SUPT3H: variants seen among roughly 807,000 people sequenced by gnomAD.
The protein encoded by SUPT3H is SPT3 homolog, SAGA and STAGA complex component, also known as transcription initiation protein SPT3 homolog.
SUPT3H carries 44 observed loss-of-function variants against 44.3 expected under a neutral mutation model. The ratio of observed to expected loss-of-function variants is 0.99; its 90% confidence interval spans 0.78 to 1.28. The LOEUF (loss-of-function observed/expected upper bound fraction) is 1.28. Among genes scored for constraint, SUPT3H ranks in the 50% most tolerant of loss-of-function variants. SUPT3H has a pLI of 0.00. For missense variants in SUPT3H, 380 were observed against 387.1 expected (o/e 0.98, Z 0.15); for synonymous variants, 124 against 125.6 (o/e 0.99, Z 0.09).
intron 2 of SUPT3H, among the ~76,000 whole-genome samples, chr6:45,207,934 T>C (rs1763450105): frequency 6.6e-6 from 1 of 152,200 alleles, no homozygotes; most frequent in Admixed American, 6.5e-5. Context: ...GTTAAAGTTT[T>C]ACTTCTTCTA....
intron 6 of SUPT3H, among the ~76,000 whole-genome samples, chr6:44,981,040 TA>T (rs1295123689): frequency 1.3e-5 from 2 of 152,222 alleles, no homozygotes; most frequent in African/African-American, 4.8e-5. Context: ...AATGCCTACT[TA>T]AATGCTTTGC....
chr6:44,900,710 C>T (rs185077144), intron 10 of SUPT3H, among the ~76,000 whole-genome samples: 25 of 152,230 alleles, frequency 1.6e-4, no homozygotes, highest in Non-Finnish European at 3.2e-4. Flanking sequence ...ATCTGAGAAC[C>T]GACAGACTGC....
At chr6:44,890,559 T>G (rs1219567490) in intron 10 of SUPT3H, among the ~76,000 whole-genome samples, 3 of 127,308 alleles carry the variant, frequency 2.4e-5, no homozygotes, top group Non-Finnish European at 3.1e-5. Context: ...AATTGAACAA[T>G]GAGAACACAT....
In SUPT3H at chr6:45,072,901, A is replaced by G. The variant is rs1284757950; in HGVS notation, c.186+33021T>C. Among the ~76,000 whole-genome samples the G allele has an allele frequency of 2.0e-5, 3 of 152,066 alleles. No individual in the cohort carries two copies. The South Asian group carries it at 6.2e-4, about 31-fold the overall frequency. The stretch of plus-strand genomic sequence containing the variant: ...CTCAGGAAATAACAGCTGTGTCACC[A>G]CAAATCCAAACATCAGAAAGTTAAA... On this transcript the variant is annotated intron_variant, in intron 3 of 10. Coordinates refer to ENST00000371459, the MANE Select transcript of SUPT3H (RefSeq NM_003599.4).
In SUPT3H at chr6:45,230,660, G is replaced by GCATATATATATATATATATATA. The variant is rs765270979; in HGVS notation, c.102-124655_102-124654insTATATATATATATATATATATG. 3.9e-3 allele frequency among the ~76,000 whole-genome samples: 197 copies of GCATATATATATATATATATATA among 51,056 alleles called. 27 individuals carry two copies. Among genetic ancestry groups the GCATATATATATATATATATATA allele is most frequent in the Non-Finnish European group, 6.4e-3 (154 of 24,036 alleles). The allele number at this position is 51,056 out of a possible 152,430, so 33.5% of individuals were successfully genotyped here. ...TGAAATCATGTTTTAAATTCATTCAGTCTATATATATATATATATATATAT... is the reference window on the plus strand; with the variant it reads ...TGAAATCATGTTTTAAATTCATTCAGCATATATATATATATATATATATCTATATATATATATATATATATAT... On this transcript the variant is annotated intron_variant, in intron 2 of 10. Transcript: ENST00000371459.
chr6:45,307,954 G>A (rs979397932), intron 2 of SUPT3H, among the ~76,000 whole-genome samples: 2 of 152,202 alleles, frequency 1.3e-5, no homozygotes, highest in East Asian at 1.9e-4. Context: ...AGAACTACGT[G>A]ACAAATGCAC....
intron 3 of SUPT3H, among the ~76,000 whole-genome samples, chr6:45,093,454 T>C (rs1797399637): frequency 6.6e-6 from 1 of 152,006 alleles, no homozygotes. Context: ...ATAGCAGCAA[T>C]GGGGAAAGAA....
intron 2 of SUPT3H, among the ~76,000 whole-genome samples, chr6:45,174,199 G>C (rs1416237775): frequency 1.3e-5 from 2 of 152,208 alleles, no homozygotes; most frequent in African/African-American, 2.4e-5. Flanking sequence ...CAGTGGTTAA[G>C]AGTCAACAGT....
intron 10 of SUPT3H, among the ~76,000 whole-genome samples, chr6:44,840,262 T>C (rs1770730072): frequency 6.6e-6 from 1 of 152,212 alleles, no homozygotes; most frequent in Non-Finnish European, 1.5e-5. Context: ...CAAGGAATAA[T>C]TTCAACTAGG....
chr6:45,025,777 G>A lies in SUPT3H; in HGVS notation c.187-5145C>T, dbSNP rs570701060. Among the ~76,000 whole-genome samples the A allele has an allele frequency of 1.3e-4, 20 of 152,074 alleles. No homozygotes were observed. The South Asian group carries it at 2.7e-3, about 20-fold the overall frequency. On this transcript the variant is annotated intron_variant, in intron 3 of 10. Coordinates refer to ENST00000371459, the MANE Select transcript of SUPT3H (RefSeq NM_003599.4). The stretch of plus-strand genomic sequence containing the variant: ...GGGCGCCTGTAGTCTCAGCTGCTCG[G>A]GAGGCTGAGGCAGGAGAATGGCGTG...
intron 6 of SUPT3H, among the ~76,000 whole-genome samples, chr6:44,964,407 A>G (rs1776493914): frequency 6.6e-6 from 1 of 150,628 alleles, no homozygotes. Context: ...CTTAACACTA[A>G]CTTTTTCTTC....
intron 2 of SUPT3H, among the ~76,000 whole-genome samples, chr6:45,251,570 T>C (rs1249299156): frequency 1.3e-5 from 2 of 151,738 alleles, no homozygotes; most frequent in Non-Finnish European, 2.9e-5. Flanking sequence ...TAAGTCCTAA[T>C]AAAGAGTAAA....
At chr6:45,107,321 G>A (rs1210722757) in intron 2 of SUPT3H, among the ~76,000 whole-genome samples, 4 of 152,076 alleles carry the variant, frequency 2.6e-5, no homozygotes, top group East Asian at 1.9e-4. Context: ...AGTCTATACC[G>A]AACTAGTAGA....
At chr6:45,185,001 C>T (rs1333640499) in intron 2 of SUPT3H, among the ~76,000 whole-genome samples, 1 of 152,176 alleles carries the variant, frequency 6.6e-6, no homozygotes, top group Non-Finnish European at 1.5e-5. Flanking sequence ...GGTAGCCTAA[C>T]TTACCCAACA....
intron 6 of SUPT3H, among the ~76,000 whole-genome samples, chr6:44,970,665 A>G (rs1231716764): frequency 5.3e-5 from 8 of 152,182 alleles, no homozygotes; most frequent in Non-Finnish European, 1.2e-4. Context: ...ATTTTGAATA[A>G]CATTCTTAAA....
intron 3 of SUPT3H, among the ~76,000 whole-genome samples, chr6:45,091,744 T>G (rs1293993135): frequency 6.6e-5 from 10 of 152,102 alleles, no homozygotes. Context: ...ATTTTTCCCT[T>G]AATTCCTTAA....
In SUPT3H at chr6:45,016,944, G is replaced by C. The variant is rs12201487; in HGVS notation, c.274-2053C>G. Reference sequence around the variant, plus strand: ...ACTGACTTCCACAATGGTTGAACTAGTTTACAGTCCCACCAACAGTGTAAA... The same window carrying C: ...ACTGACTTCCACAATGGTTGAACTACTTTACAGTCCCACCAACAGTGTAAA... On this transcript the variant is annotated intron_variant, in intron 4 of 10. Transcript: ENST00000371459. Among the ~76,000 whole-genome samples the C allele has an allele frequency of 2.9e-3, 442 of 150,668 alleles. 4 individuals carry two copies. The highest frequency in any genetic ancestry group is 9.3e-3 in the African/African-American group (383 of 41,044).
intron 2 of SUPT3H, among the ~76,000 whole-genome samples, chr6:45,154,301 ATGTC>A: frequency 6.6e-6 from 1 of 152,208 alleles, no homozygotes; most frequent in African/African-American, 2.4e-5. Context: ...TGCTTAGTCA[ATGTC>A]TGTTCAATGA....
chr6:45,219,648 C>T (rs1283178622), intron 2 of SUPT3H, among the ~76,000 whole-genome samples: 1 of 152,028 alleles, frequency 6.6e-6, no homozygotes, highest in African/African-American at 2.4e-5. Flanking sequence ...TTTATAGCTC[C>T]CCCCAATTCC....
Sources: gnomAD v4.1 joint callset for allele counts (sites outside exome capture counted in the v4.1 genomes callset) on GRCh38, gnomAD v4.1.1 for gene constraint, MANE v1.5 for transcripts, NCBI Gene and HGNC (gene_info 2026-07-23, HGNC 2026-07-21) for gene names.